The following IQCM variants were observed in gnomAD, a reference collection of about 807,000 sequenced individuals.
IQCM encodes the protein IQ domain-containing protein M.
A neutral mutation model predicts 57.6 loss-of-function variants in IQCM; 45 were observed. The ratio of observed to expected loss-of-function variants is 0.78; its 90% confidence interval spans 0.62 to 1.00. The LOEUF (loss-of-function observed/expected upper bound fraction) is 1.00, where lower values mean the gene tolerates loss of function less well. Among genes scored for constraint, IQCM ranks in the 50% least tolerant of loss-of-function variants. The pLI is 0.00. For synonymous variants in IQCM, 148 were observed against 158.9 expected (o/e 0.93, Z 0.51); for missense variants, 468 against 511.6 (o/e 0.91, Z 0.82).
At chr4:149,523,634 T>A (rs895251952) in intron 12 of IQCM, among the ~76,000 whole-genome samples, 2 of 152,094 alleles carry the variant, frequency 1.3e-5, no homozygotes, top group South Asian at 4.1e-4. Flanking sequence ...TGAGCAATAA[T>A]CATTCACTGG....
chr4:149,791,786 C>A (rs1015121854), intron 2 of IQCM, among the ~76,000 whole-genome samples: 2 of 152,002 alleles, frequency 1.3e-5, no homozygotes, highest in African/African-American at 4.8e-5. Flanking sequence ...ATAGGATAAG[C>A]ATCAAAGCTT....
rs188410207 is a variant in IQCM at position 149,519,359 on chromosome 4, C to T, written c.1228+29096G>A. On this transcript the variant is annotated intron_variant, in intron 12 of 13. Coordinates refer to ENST00000636793, the MANE Select transcript of IQCM (RefSeq NM_001363507.2). ...TTTCTTGGCCGGGCGCGGTGGCTCA[C>T]GCCTGTAATCCCAGCACTTTGGGAG... Among the ~76,000 whole-genome samples, 236 of 152,288 alleles carry T rather than the reference C, an allele frequency of 1.5e-3. 1 individual carries two copies. The highest frequency in any genetic ancestry group is 5.5e-3 in the African/African-American group (229 of 41,558).
At chr4:149,379,480 T>TAG (rs989507149) in intron 13 of IQCM, among the ~76,000 whole-genome samples, 30 of 152,280 alleles carry the variant, frequency 2.0e-4, no homozygotes, top group African/African-American at 6.5e-4. Context: ...ATGTGAGACA[T>TAG]AGAGTCAAAG....
intron 2 of IQCM, among the ~76,000 whole-genome samples, chr4:149,813,775 A>G (rs2150072594): frequency 1.3e-5 from 2 of 152,216 alleles, no homozygotes; most frequent in South Asian, 4.1e-4. Context: ...GAATTCATTT[A>G]TTGGCTAGTC....
chr4:149,469,684 A>G (rs1298676432), intron 12 of IQCM, among the ~76,000 whole-genome samples: 1 of 152,180 alleles, frequency 6.6e-6, no homozygotes, highest in East Asian at 1.9e-4. Flanking sequence ...GATTCACCAA[A>G]GTTGAAATGA....
intron 2 of IQCM, among the ~76,000 whole-genome samples, chr4:149,793,958 A>G (rs879592547): frequency 6.6e-6 from 1 of 152,242 alleles, no homozygotes; most frequent in Admixed American, 6.5e-5. Context: ...GCAATAGCAA[A>G]AAGTGAATGA....
At chr4:149,758,890 G>A (rs2149956788) in intron 2 of IQCM, among the ~76,000 whole-genome samples, 1 of 152,304 alleles carries the variant, frequency 6.6e-6, no homozygotes, top group African/African-American at 2.4e-5. Context: ...AGGACAATTT[G>A]TCAGTTCCTT....
intron 13 of IQCM, among the ~76,000 whole-genome samples, chr4:149,370,025 A>C (rs1177752206): frequency 6.6e-6 from 1 of 152,096 alleles, no homozygotes; most frequent in Non-Finnish European, 1.5e-5. Context: ...CCTCCCAGGT[A>C]GCTGGGACTA....
intron 13 of IQCM, among the ~76,000 whole-genome samples, chr4:149,379,696 T>C (rs1300180972): frequency 2.0e-5 from 3 of 152,220 alleles, no homozygotes; most frequent in Non-Finnish European, 4.4e-5. Context: ...TTGTCTTAGA[T>C]AAGACTTTGG....
chr4:149,686,534 T>A lies in IQCM; in HGVS notation c.386-66A>T, dbSNP rs1762556913. 4 of 573,372 alleles carry A rather than the reference T, an allele frequency of 7.0e-6. No individual in the cohort carries two copies. In the South Asian group the frequency reaches 3.5e-4, roughly 51 times the overall value. 35.5% of individuals were successfully genotyped at this position (573,372 alleles called of 1,614,324 possible). A position where few individuals can be genotyped will look rare whatever the true frequency, so the allele number is the denominator to read the frequency against. ...TCAAGTTGTAAGTGCATTTTTCAAA[T>A]TCAATTGCAAATCACAGATTTTTAA... On this transcript the variant is annotated intron_variant, in intron 5 of 13. Coordinates refer to ENST00000636793, the MANE Select transcript of IQCM (RefSeq NM_001363507.2).
At chr4:149,447,431 AG>A (rs1214905775) in intron 12 of IQCM, among the ~76,000 whole-genome samples, 2 of 151,662 alleles carry the variant, frequency 1.3e-5, no homozygotes, top group Non-Finnish European at 3.0e-5. Flanking sequence ...CACATGTTCA[AG>A]AAGTTAAAGG....
rs570244594 is a variant in IQCM, at chr4:149,770,657, C to T, written c.-48-27918G>A. Among the ~76,000 whole-genome samples, 9 of 152,020 alleles carry T rather than the reference C, an allele frequency of 5.9e-5. No individual in the cohort carries two copies. In the South Asian group the frequency reaches 1.9e-3, roughly 32 times the overall value. ...GAATGTAATTCACCATATTAACAAA[C>T]TAAATGAGAAAACCCACATAATCAT... is the stretch of plus-strand genomic sequence containing the variant. On this transcript the variant is annotated intron_variant, in intron 2 of 13. Coordinates refer to ENST00000636793, the MANE Select transcript of IQCM (RefSeq NM_001363507.2).
chr4:149,606,190 C>T (rs1754761028), intron 8 of IQCM, among the ~76,000 whole-genome samples: 1 of 152,022 alleles, frequency 6.6e-6, no homozygotes, highest in Non-Finnish European at 1.5e-5. Context: ...TTTGTGATGG[C>T]CATGGGAATA....
intron 7 of IQCM, among the ~76,000 whole-genome samples, chr4:149,646,212 T>A (rs1758621038): frequency 1.3e-5 from 2 of 152,202 alleles, no homozygotes; most frequent in Admixed American, 1.3e-4. Flanking sequence ...ATTCTTTATA[T>A]TATACTTCCC....
intron 12 of IQCM, among the ~76,000 whole-genome samples, chr4:149,536,857 C>T (rs1430720160): frequency 2.0e-5 from 3 of 151,934 alleles, no homozygotes; most frequent in African/African-American, 7.2e-5. Context: ...GTACTTTTAT[C>T]TCTCAGATGG....
At chr4:149,612,258 A>C (rs1466833311) in intron 8 of IQCM, among the ~76,000 whole-genome samples, 2 of 152,168 alleles carry the variant, frequency 1.3e-5, no homozygotes, top group African/African-American at 4.8e-5. Flanking sequence ...GATTTGGGTG[A>C]GGACCCAGAG....
At chr4:149,380,973 A>G (rs1731037572) in intron 13 of IQCM, among the ~76,000 whole-genome samples, 1 of 152,190 alleles carries the variant, frequency 6.6e-6, no homozygotes, top group Admixed American at 6.5e-5. Context: ...CTTTGCTTAG[A>G]TGTGTAACAG....
chr4:149,478,998 T>C (rs946143592), intron 12 of IQCM, among the ~76,000 whole-genome samples: 1 of 151,758 alleles, frequency 6.6e-6, no homozygotes, highest in African/African-American at 2.4e-5. Flanking sequence ...AAATATTAGT[T>C]GATGATGATT....
intron 13 of IQCM, among the ~76,000 whole-genome samples, chr4:149,418,559 A>T (rs772005958): frequency 4.7e-4 from 71 of 152,306 alleles, no homozygotes; most frequent in Admixed American, 1.2e-3. Flanking sequence ...CAAAGAATTG[A>T]AAAGAAGGAA....
Sources: gnomAD v4.1 joint callset for allele counts (sites outside exome capture counted in the v4.1 genomes callset) on GRCh38, gnomAD v4.1.1 for gene constraint, MANE v1.5 for transcripts, NCBI Gene and HGNC (gene_info 2026-07-23, HGNC 2026-07-21) for gene names.